The following ATP8A2 variants were observed in gnomAD, a reference collection of about 807,000 sequenced individuals.
ATP8A2 encodes the protein ATPase phospholipid transporting 8A2, also known as phospholipid-transporting ATPase IB.
Under a neutral mutation model 165.6 loss-of-function variants are expected in ATP8A2, and 100 were observed. The ratio of observed to expected loss-of-function variants is 0.60; its 90% CI spans 0.51 to 0.71. ATP8A2 has a LOEUF of 0.71. ATP8A2 is among the 30% of genes least tolerant of loss of function. ATP8A2 has a pLI of 0.00. For missense variants in ATP8A2, 1,227 were observed against 1,479.5 expected (o/e 0.83, Z 2.80); for synonymous variants, 543 against 548.8 (o/e 0.99, Z 0.15).
intron 33 of ATP8A2, among the ~76,000 whole-genome samples, chr13:25,940,272 C>T (rs1019285580): frequency 2.0e-5 from 3 of 152,150 alleles, no homozygotes; most frequent in Admixed American, 6.5e-5. Flanking sequence ...CTGGAAGCCT[C>T]TTCCCAGAGT....
At chr13:25,816,519 C>G (rs1039149260) in intron 27 of ATP8A2, among the ~76,000 whole-genome samples, 4 of 152,284 alleles carry the variant, frequency 2.6e-5, no homozygotes, top group East Asian at 1.9e-4. Flanking sequence ...GCTCACTCCT[C>G]CAGACGTAAC....
intron 24 of ATP8A2, among the ~76,000 whole-genome samples, chr13:25,601,505 C>T (rs941764491): frequency 2.6e-5 from 4 of 152,344 alleles, no homozygotes; most frequent in South Asian, 2.1e-4. Flanking sequence ...GACGGAGTCT[C>T]GTTCTGTCAC....
At chr13:25,458,385 G>T (rs977347616) in intron 1 of ATP8A2, among the ~76,000 whole-genome samples, 6 of 152,154 alleles carry the variant, frequency 3.9e-5, no homozygotes, top group African/African-American at 9.7e-5. Flanking sequence ...ACCTAAGCAG[G>T]TTTTTTGTTT....
At chr13:25,565,068 C>T (rs1282001837) in intron 16 of ATP8A2, among the ~76,000 whole-genome samples, 1 of 152,072 alleles carries the variant, frequency 6.6e-6, no homozygotes, top group African/African-American at 2.4e-5. Flanking sequence ...ACGTGGTATT[C>T]CATCATCTCT....
intron 2 of ATP8A2, among the ~76,000 whole-genome samples, chr13:25,513,633 C>A (rs537113922): frequency 6.6e-6 from 1 of 151,900 alleles, no homozygotes; most frequent in African/African-American, 2.4e-5. Flanking sequence ...TGTAGCGAGC[C>A]GAGATCACGC....
intron 28 of ATP8A2, among the ~76,000 whole-genome samples, chr13:25,833,062 G>A (rs1349507819): frequency 6.7e-6 from 1 of 148,234 alleles, no homozygotes; most frequent in Non-Finnish European, 1.5e-5. Context: ...TTCTAGCCTA[G>A]CAATAAACAG....
intron 1 of ATP8A2, among the ~76,000 whole-genome samples, chr13:25,420,355 GAC>G (rs1460552735): frequency 1.3e-5 from 2 of 152,222 alleles, no homozygotes; most frequent in African/African-American, 4.8e-5. Flanking sequence ...GATGAAGTGG[GAC>G]CAGGTGGCCA....
intron 25 of ATP8A2, among the ~76,000 whole-genome samples, chr13:25,734,725 G>A (rs1003098760): frequency 1.3e-5 from 2 of 151,936 alleles, no homozygotes; most frequent in African/African-American, 4.8e-5. Flanking sequence ...TGCAACCCCC[G>A]GCCCCCAGAT....
At position 25,737,885 on chromosome 13, in the gene ATP8A2, C is replaced by T. The variant is rs529557099; in HGVS notation, c.2385-31161C>T. 1.6e-3 allele frequency among the ~76,000 whole-genome samples: 242 copies of T among 152,234 alleles called. 2 individuals carry two copies. Among genetic ancestry groups the T allele is most frequent in the South Asian group, 5.8e-3 (28 of 4,824 alleles). Reference sequence around the variant, plus strand: ...ATTTTTAGCAGAGACGGGGTTTCACCGTGTTAGCCAGGATGGTCTCGATCT... The same window carrying T: ...ATTTTTAGCAGAGACGGGGTTTCACTGTGTTAGCCAGGATGGTCTCGATCT... On this transcript the variant is annotated intron_variant, in intron 25 of 36. Coordinates refer to ENST00000381655, the MANE Select transcript of ATP8A2 (RefSeq NM_016529.6).
At chr13:25,817,776 C>T (rs180866080) in intron 27 of ATP8A2, among the ~76,000 whole-genome samples, 38 of 152,070 alleles carry the variant, frequency 2.5e-4, no homozygotes, top group African/African-American at 8.7e-4. Flanking sequence ...CTCTCTGGCT[C>T]AAGCAACCTT....
At chr13:25,616,967 A>G (rs1401889781) in intron 24 of ATP8A2, among the ~76,000 whole-genome samples, 1 of 152,196 alleles carries the variant, frequency 6.6e-6, no homozygotes, top group Non-Finnish European at 1.5e-5. Flanking sequence ...AATTTAAGTA[A>G]TAACATAAAG....
rs112699180 is a variant in ATP8A2, at chr13:25,926,176, A to C, written c.3184-35399A>C. On this transcript the variant is annotated intron_variant, in intron 33 of 36. Coordinates refer to ENST00000381655, the MANE Select transcript of ATP8A2 (RefSeq NM_016529.6). ...CTAACAAGACTTAAAGACTCTCCACAATCTAACTTGTTTCCATGGCAACTT... is the reference window on the plus strand; with the variant it reads ...CTAACAAGACTTAAAGACTCTCCACCATCTAACTTGTTTCCATGGCAACTT... Among the ~76,000 whole-genome samples, 1,394 of 152,266 alleles carry C rather than the reference A, an allele frequency of 9.2e-3. 22 individuals carry two copies. Among genetic ancestry groups the C allele is most frequent in the African/African-American group, 0.031 (1,303 of 41,560 alleles).
chr13:25,849,577 CAA>C (rs1165243633), intron 30 of ATP8A2, among the ~76,000 whole-genome samples: 4 of 152,144 alleles, frequency 2.6e-5, no homozygotes, highest in Non-Finnish European at 5.9e-5. Flanking sequence ...CAAATATTTT[CAA>C]AGAGATTTTT....
chr13:25,641,739 A>T (rs376172537), intron 24 of ATP8A2, among the ~76,000 whole-genome samples: 5,229 of 152,050 alleles, frequency 0.034, 157 homozygotes, highest in East Asian at 0.13. Flanking sequence ...TCTTCACAGA[A>T]TTGGAAAAAA....
chr13:25,780,454 G>A (rs1398574931), intron 27 of ATP8A2, among the ~76,000 whole-genome samples: 3 of 152,058 alleles, frequency 2.0e-5, no homozygotes, highest in African/African-American at 4.8e-5. Flanking sequence ...AGGAAGGTCT[G>A]GAAATACTAT....
chr13:25,581,961 A>C lies in ATP8A2; in HGVS notation c.2146+4A>C. 1 of 1,598,062 alleles carries C rather than the reference A, an allele frequency of 6.3e-7. No individual in the cohort carries two copies. ...CAAGAAACTGCGATTAATATAGGTA[A>C]TTATTTTTACAAATAATTTCCTGAT... On this transcript the variant is annotated splice_donor_region_variant and intron_variant, in intron 23 of 36. Transcript: ENST00000381655.
chr13:25,413,797 C>T (rs1037555368), intron 1 of ATP8A2, among the ~76,000 whole-genome samples: 2 of 152,244 alleles, frequency 1.3e-5, no homozygotes, highest in East Asian at 3.9e-4. Flanking sequence ...TGGCCAAAGA[C>T]CTTGTCATCA....
intron 35 of ATP8A2, among the ~76,000 whole-genome samples, chr13:25,995,909 C>G (rs1047958632): frequency 1.3e-5 from 2 of 152,090 alleles, no homozygotes; most frequent in Non-Finnish European, 2.9e-5. Context: ...TAGTCTATTT[C>G]TTATTTCAGT....
At position 26,024,823 on chromosome 13, in the gene ATP8A2, A is replaced by AAAG. The variant is rs1957138379; in HGVS notation, c.*4839_*4841dup. The AAAG allele has an allele frequency of 6.6e-6, 1 of 152,222 alleles. No individual in the cohort carries two copies. The highest frequency in any genetic ancestry group is 1.5e-5 in the Non-Finnish European group (1 of 68,058). 9.4% of individuals were successfully genotyped at this position (152,222 alleles called of 1,614,324 possible). On this transcript the variant is annotated 3_prime_UTR_variant, in exon 37 of 37. Transcript: ENST00000381655. ...AAAGAAAGGAGACCTGTTTGTTTTA[A>AAAG]AAGTCGGGCGCAAAGTGTCAGGTGG...
Sources: gnomAD v4.1 joint callset for allele counts (sites outside exome capture counted in the v4.1 genomes callset) on GRCh38, gnomAD v4.1.1 for gene constraint, MANE v1.5 for transcripts, NCBI Gene and HGNC (gene_info 2026-07-23, HGNC 2026-07-21) for gene names.